Variants in GRM3 observed in about 807,000 individuals in gnomAD.
GRM3 encodes metabotropic glutamate receptor 3.
A neutral mutation model predicts 70.5 loss-of-function variants in GRM3; 26 were observed. The ratio of observed to expected loss-of-function variants is 0.37; its 90% CI spans 0.27 to 0.51. The LOEUF is 0.51. Ranked by LOEUF, GRM3 falls within the 20% of genes least tolerant of loss-of-function variation. The pLI is 0.93. For missense variants in GRM3, 859 were observed against 1,123.8 expected, an observed-to-expected ratio of 0.76 and a Z score of 3.37; for synonymous variants, 443 against 434.9, an observed-to-expected ratio of 1.02 and a Z score of -0.23.
intron 5 of GRM3, among the ~76,000 whole-genome samples, chr7:86,855,844 G>A (rs951973222): frequency 2.6e-5 from 4 of 152,124 alleles, no homozygotes; most frequent in Middle Eastern, 3.2e-3. Context: ...AGCATAACAC[G>A]TAATGCCCAA....
rs140285088 is a variant in GRM3, at chr7:86,747,284, C to T, written c.-140-17722C>T. On this transcript the variant is annotated intron_variant, in intron 1 of 5. Coordinates refer to ENST00000361669, the MANE Select transcript of GRM3 (RefSeq NM_000840.3). ...ATTACAGTTTCTAAACCCTCACTAA[C>T]ATGTATCAAAACAGAAATGATAATA... Among the ~76,000 whole-genome samples the T allele has an allele frequency of 3.6e-3, 544 of 152,158 alleles. 4 individuals carry two copies. The highest frequency in any genetic ancestry group is 0.012 in the African/African-American group (511 of 41,530).
chr7:86,696,782 C>T (rs926862111), intron 1 of GRM3, among the ~76,000 whole-genome samples: 1 of 152,144 alleles, frequency 6.6e-6, no homozygotes, highest in Admixed American at 6.6e-5. Flanking sequence ...GTCTTACCCA[C>T]ATTGTCTCTT....
chr7:86,839,816 G>A lies in GRM3; in HGVS notation c.2302G>A (p.Ala768Thr), dbSNP rs2116739222. 1 of 1,614,066 alleles carries A rather than the reference G, an allele frequency of 6.2e-7. No homozygotes were observed. Among genetic ancestry groups the A allele is most frequent in the South Asian group, 1.1e-5 (1 of 91,080 alleles). Residue 768 changes from alanine (A) to threonine (T), a missense_variant, in exon 4 of 6, where the codon GCT becomes ACT. Transcript: ENST00000361669. This position sits in a 1 kb window ranked among gnomAD's most constrained non-coding sequence, Gnocchi z 4.5. ...GAAGTGCCCAGAAAATTTCAACGAAGCTAAGTTCATAGGTTTTACCATGTA... is the reference window on the plus strand; with the variant it reads ...GAAGTGCCCAGAAAATTTCAACGAAACTAAGTTCATAGGTTTTACCATGTA... ...TRKCPENFNEAKFIGFTMYTT... is the reference protein window; with the variant it reads ...TRKCPENFNETKFIGFTMYTT...
At chr7:86,666,554 T>C (rs1484511427) in intron 1 of GRM3, among the ~76,000 whole-genome samples, 1 of 152,122 alleles carries the variant, frequency 6.6e-6, no homozygotes, top group African/African-American at 2.4e-5. Flanking sequence ...CAGAACTTGA[T>C]CTTTTAAAGC....
intron 3 of GRM3, among the ~76,000 whole-genome samples, chr7:86,817,015 C>T (rs888985242): frequency 5.3e-5 from 8 of 151,444 alleles, no homozygotes; most frequent in African/African-American, 1.9e-4. Flanking sequence ...AATTCTCAGC[C>T]AAGGAAACTG....
At chr7:86,680,982 A>G (rs1200024394) in intron 1 of GRM3, among the ~76,000 whole-genome samples, 3 of 152,110 alleles carry the variant, frequency 2.0e-5, no homozygotes, top group African/African-American at 7.2e-5. Context: ...CTCTGGCCCA[A>G]TCCACAATAT....
intron 4 of GRM3, among the ~76,000 whole-genome samples, chr7:86,844,149 C>G (rs1584276221): frequency 6.6e-6 from 1 of 152,158 alleles, no homozygotes; most frequent in Non-Finnish European, 1.5e-5. Flanking sequence ...CAAATACTTA[C>G]AAAGAAATTC....
intron 1 of GRM3, among the ~76,000 whole-genome samples, chr7:86,677,533 C>G (rs1030361387): frequency 6.6e-6 from 1 of 151,926 alleles, no homozygotes; most frequent in African/African-American, 2.4e-5. Context: ...TTAATTTGCT[C>G]TTTTAGAAGC....
chr7:86,793,984 T>C (rs934591481), intron 3 of GRM3, among the ~76,000 whole-genome samples: 2 of 152,194 alleles, frequency 1.3e-5, no homozygotes, highest in Admixed American at 6.5e-5. Context: ...ATTTCCTTGA[T>C]GTTTCCAGAC....
chr7:86,783,982 G>A (rs955558317), intron 2 of GRM3, among the ~76,000 whole-genome samples: 5 of 152,054 alleles, frequency 3.3e-5, no homozygotes, highest in African/African-American at 1.2e-4. Context: ...CACACACAGA[G>A]GAACATAAAA....
At chr7:86,663,972 C>T (rs1456432176) in intron 1 of GRM3, among the ~76,000 whole-genome samples, 1 of 151,878 alleles carries the variant, frequency 6.6e-6, no homozygotes, top group Admixed American at 6.6e-5. Context: ...GTGACATGAG[C>T]ACAGATACTG....
At chr7:86,701,183 G>A (rs891555572) in intron 1 of GRM3, among the ~76,000 whole-genome samples, 1 of 151,536 alleles carries the variant, frequency 6.6e-6, no homozygotes, top group African/African-American at 2.4e-5. Flanking sequence ...ATGTCCAACC[G>A]AAGAATATTT....
At chr7:86,776,286 AG>A (rs1200676351) in intron 2 of GRM3, among the ~76,000 whole-genome samples, 1 of 152,194 alleles carries the variant, frequency 6.6e-6, no homozygotes, top group Non-Finnish European at 1.5e-5. Context: ...TAAAATAACT[AG>A]CCGAAGGTCA....
At chr7:86,711,075 T>G (rs946890799) in intron 1 of GRM3, among the ~76,000 whole-genome samples, 1 of 152,116 alleles carries the variant, frequency 6.6e-6, no homozygotes, top group Non-Finnish European at 1.5e-5. Flanking sequence ...GTACTCTCTC[T>G]GAGCCCCACT....
intron 3 of GRM3, among the ~76,000 whole-genome samples, chr7:86,789,990 G>A (rs991043115): frequency 1.3e-5 from 2 of 152,094 alleles, no homozygotes; most frequent in Non-Finnish European, 2.9e-5. Context: ...CACTGCCCAG[G>A]TCTCTAGGCT....
intron 3 of GRM3, among the ~76,000 whole-genome samples, chr7:86,807,759 C>T (rs528433490): frequency 2.0e-5 from 3 of 152,258 alleles, no homozygotes; most frequent in Non-Finnish European, 4.4e-5. Flanking sequence ...CCTGATTGCC[C>T]TGGCCAGAAC....
chr7:86,730,287 G>T (rs1164713363), intron 1 of GRM3, among the ~76,000 whole-genome samples: 1 of 152,154 alleles, frequency 6.6e-6, no homozygotes, highest in East Asian at 1.9e-4. Flanking sequence ...GAACATGGTG[G>T]CACATGCCTG....
intron 1 of GRM3, among the ~76,000 whole-genome samples, chr7:86,694,172 T>C (rs1794756783): frequency 6.6e-6 from 1 of 152,036 alleles, no homozygotes; most frequent in Admixed American, 6.6e-5. Flanking sequence ...GAATGGGAAA[T>C]ATCTCTAACA....
At chr7:86,799,610 T>A (rs1006513856) in intron 3 of GRM3, among the ~76,000 whole-genome samples, 6 of 152,074 alleles carry the variant, frequency 3.9e-5, no homozygotes, top group Non-Finnish European at 1.5e-5. Flanking sequence ...CACTGCAAGC[T>A]CCGCCTCCTG....
Sources: allele counts gnomAD v4.1 joint callset (sites outside exome capture counted in the v4.1 genomes callset), GRCh38; gene constraint gnomAD v4.1.1; non-coding constraint Gnocchi (gnomAD v3.1); transcripts MANE v1.5; gene names NCBI Gene and HGNC (gene_info 2026-07-23, HGNC 2026-07-21).